The following FAM151B variants were observed in gnomAD, a reference collection of about 807,000 sequenced individuals.
The protein encoded by FAM151B is protein FAM151B.
Under a neutral mutation model 31.2 loss-of-function variants are expected in FAM151B, and 24 were observed. The observed-to-expected ratio is 0.77, with a 90% CI of 0.56 to 1.08. The LOEUF is 1.08. Among genes scored for constraint, FAM151B ranks in the 50% least tolerant of loss-of-function variants. The pLI is 0.00. For missense variants in FAM151B, 293 were observed against 328.6 expected (o/e 0.89, Z 0.84); for synonymous variants, 105 against 111.4 (o/e 0.94, Z 0.36).
intron 2 of FAM151B, among the ~76,000 whole-genome samples, chr5:80,513,115 G>A (rs888087720): frequency 2.6e-5 from 4 of 152,180 alleles, no homozygotes; most frequent in Admixed American, 2.6e-4. Context: ...CACCATGTCT[G>A]CTGAAGCTCC....
intron 1 of FAM151B, among the ~76,000 whole-genome samples, chr5:80,499,220 T>C (rs1040804181): frequency 1.3e-5 from 2 of 152,202 alleles, no homozygotes; most frequent in Non-Finnish European, 2.9e-5. Context: ...TGTTATGATA[T>C]AGTATGGAAT....
intron 3 of FAM151B, 22 bp downstream of exon 3, chr5:80,513,791 A>G (rs775524405): frequency 4.4e-6 from 7 of 1,580,858 alleles, no homozygotes; most frequent in Non-Finnish European, 6.0e-6. Flanking sequence ...AACACGTTCA[A>G]TTTTCTGGGA....
intron 5 of FAM151B, among the ~76,000 whole-genome samples, chr5:80,538,891 T>C (rs550381070): frequency 3.2e-4 from 48 of 151,940 alleles, no homozygotes; most frequent in African/African-American, 1.1e-3. Context: ...GGCCACCGTG[T>C]CTGGTCCCCC....
chr5:80,535,153 AT>A (rs1457147223), intron 5 of FAM151B, among the ~76,000 whole-genome samples: 1 of 152,230 alleles, frequency 6.6e-6, no homozygotes, highest in Non-Finnish European at 1.5e-5. Flanking sequence ...AAGAATTAAT[AT>A]TGTTAAAATA....
chr5:80,537,439 T>C (rs1270538185), intron 5 of FAM151B, among the ~76,000 whole-genome samples: 4 of 152,234 alleles, frequency 2.6e-5, no homozygotes, highest in Non-Finnish European at 5.9e-5. Flanking sequence ...CCTTCTTCAA[T>C]GCGTCTATTC....
chr5:80,541,974 T>A lies in FAM151B; in HGVS notation c.*142T>A. 2.4e-6 allele frequency: 2 copies of A among 816,370 alleles called. No individual in the cohort carries two copies. Among genetic ancestry groups the A allele is most frequent in the Non-Finnish European group, 3.8e-6 (2 of 528,260 alleles). The allele number at this position is 816,370 out of a possible 1,614,324, so 50.6% of individuals were successfully genotyped here. ...AGAAACGTTTATTGTATGCTTACTC[T>A]GTGGGCATATGTCCTTATAATAGTG... On this transcript the variant is annotated 3_prime_UTR_variant, in exon 6 of 6. Coordinates refer to ENST00000282226, the MANE Select transcript of FAM151B (RefSeq NM_205548.3).
At chr5:80,510,553 C>T (rs1744142396) in intron 2 of FAM151B, among the ~76,000 whole-genome samples, 1 of 152,184 alleles carries the variant, frequency 6.6e-6, no homozygotes, top group Non-Finnish European at 1.5e-5. Flanking sequence ...AATGCCATAT[C>T]CCAAGTGTTG....
chr5:80,494,472 CTTT>C (rs1743447023), intron 1 of FAM151B, among the ~76,000 whole-genome samples: 3 of 87,594 alleles, frequency 3.4e-5, no homozygotes, highest in African/African-American at 1.2e-4. Flanking sequence ...TTCTTTCTTT[CTTT>C]CTTTCTTTCT....
At chr5:80,508,643 G>A (rs1394000482) in intron 2 of FAM151B, among the ~76,000 whole-genome samples, 2 of 151,960 alleles carry the variant, frequency 1.3e-5, no homozygotes, top group African/African-American at 4.8e-5. Flanking sequence ...ACCTCTTTTC[G>A]TTTTGAACTA....
At chr5:80,521,935 T>C in intron 4 of FAM151B, 68 bp from the exon 5 acceptor site, 1 of 1,181,912 alleles carries the variant, frequency 8.5e-7, no homozygotes, top group Non-Finnish European at 1.2e-6. Flanking sequence ...ATAGGTAATT[T>C]AGTCTTTTAT....
intron 5 of FAM151B, among the ~76,000 whole-genome samples, chr5:80,530,840 A>C (rs13160975): frequency 0.13 from 19,325 of 152,180 alleles, 1,485 homozygotes; most frequent in Middle Eastern, 0.24. Context: ...CAATGCCATC[A>C]CCATCAAGCT....
intron 1 of FAM151B, 68 bp from the exon 2 acceptor site, chr5:80,501,724 A>T: frequency 8.7e-7 from 1 of 1,151,356 alleles, no homozygotes; most frequent in Admixed American, 2.1e-5. Context: ...ATACACAATG[A>T]AAGTGATTTT....
intron 5 of FAM151B, among the ~76,000 whole-genome samples, chr5:80,528,833 CAG>C (rs1299438442): frequency 2.0e-5 from 3 of 152,070 alleles, no homozygotes; most frequent in South Asian, 4.1e-4. Context: ...ATCAACGAGA[CAG>C]AAAGTTAACA....
At chr5:80,498,425 C>A (rs1743626633) in intron 1 of FAM151B, 10 of 401,460 alleles carry the variant, frequency 2.5e-5, no homozygotes, top group South Asian at 2.5e-4. Context: ...TCTCTGATAT[C>A]TTATCAGCAG....
intron 5 of FAM151B, among the ~76,000 whole-genome samples, chr5:80,530,107 G>A (rs1372788360): frequency 6.6e-6 from 1 of 152,020 alleles, no homozygotes; most frequent in Admixed American, 6.6e-5. Context: ...ACATAATCCA[G>A]CATATAAACA....
intron 1 of FAM151B, among the ~76,000 whole-genome samples, chr5:80,490,613 G>C (rs1743285126): frequency 1.3e-5 from 2 of 152,116 alleles, no homozygotes; most frequent in Admixed American, 6.6e-5. Flanking sequence ...TCTATTTTCT[G>C]TCTCTATGAA....
At position 80,522,276 on chromosome 5, in the gene FAM151B, C is replaced by T. The variant is rs962743622; in HGVS notation, c.671+138C>T. On this transcript the variant is annotated intron_variant, in intron 5 of 5. Transcript: ENST00000282226. ...AAGGAATGAAAACTGATGATATAAG[C>T]GCACAGACTCCCTCACCGGATTGGA... 263 of 822,096 alleles carry T rather than the reference C, an allele frequency of 3.2e-4. 4 individuals carry two copies. The Admixed American group carries it at 5.7e-3, about 18-fold the overall frequency. The allele number at this position is 822,096 out of a possible 1,614,324, so 50.9% of individuals were successfully genotyped here. A position where few individuals can be genotyped will look rare whatever the true frequency, so the allele number is the denominator to read the frequency against.
intron 2 of FAM151B, among the ~76,000 whole-genome samples, chr5:80,507,815 C>A (rs1580424046): frequency 6.6e-6 from 1 of 152,318 alleles, no homozygotes; most frequent in East Asian, 1.9e-4. Context: ...AGTGTTTTCA[C>A]ATTCCTAGAA....
intron 5 of FAM151B, among the ~76,000 whole-genome samples, chr5:80,540,320 T>C (rs1745821198): frequency 6.6e-6 from 1 of 152,250 alleles, no homozygotes; most frequent in Non-Finnish European, 1.5e-5. Context: ...AGCTGCTTCC[T>C]CAGCTGCTGG....
Sources: gnomAD v4.1 joint callset for allele counts (sites outside exome capture counted in the v4.1 genomes callset) on GRCh38, gnomAD v4.1.1 for gene constraint, MANE v1.5 for transcripts, NCBI Gene and HGNC (gene_info 2026-07-23, HGNC 2026-07-21) for gene names.